Variants in NELL2 observed in about 807,000 individuals in gnomAD.
NELL2 encodes the protein neural EGFL like 2.
In NELL2, 41 loss-of-function variants were observed where a neutral mutation model predicts 109.6. The observed-to-expected ratio is 0.37, with a 90% CI of 0.29 to 0.49. The LOEUF (loss-of-function observed/expected upper bound fraction) is 0.49, where lower values mean the gene tolerates loss of function less well. NELL2 is among the 20% of genes least tolerant of loss of function. The probability of loss-of-function intolerance (pLI) is 0.98; values close to 1 mark genes in which losing one functional copy is unlikely to be tolerated. For missense variants in NELL2, 900 were observed against 1,008.3 expected, an observed-to-expected ratio of 0.89 and a Z score of 1.45; for synonymous variants, 355 against 344.7, an observed-to-expected ratio of 1.03 and a Z score of -0.33.
At chr12:44,641,753 G>A (rs1946866854) in intron 13 of NELL2, among the ~76,000 whole-genome samples, 1 of 134,016 alleles carries the variant, frequency 7.5e-6, no homozygotes, top group Non-Finnish European at 1.5e-5. Flanking sequence ...CTGGAGTTCA[G>A]TGGTGGGATC....
chr12:44,810,177 C>A (rs1943127240), intron 3 of NELL2, among the ~76,000 whole-genome samples: 1 of 152,090 alleles, frequency 6.6e-6, no homozygotes, highest in Non-Finnish European at 1.5e-5. Flanking sequence ...TTACTCATTT[C>A]TTCATCTACC....
intron 13 of NELL2, among the ~76,000 whole-genome samples, chr12:44,655,884 A>C (rs1464681099): frequency 6.6e-6 from 1 of 152,194 alleles, no homozygotes; most frequent in African/African-American, 2.4e-5. Flanking sequence ...TTAAAACCTA[A>C]AGTTGTCTGA....
intron 15 of NELL2, among the ~76,000 whole-genome samples, chr12:44,570,900 G>A (rs534242809): frequency 1.1e-4 from 16 of 152,192 alleles, no homozygotes; most frequent in African/African-American, 3.6e-4. Context: ...TTAGCAAAAT[G>A]TTGTATGGTA....
chr12:44,908,487 A>G (rs1005141432), intron 1 of NELL2, among the ~76,000 whole-genome samples: 7 of 151,986 alleles, frequency 4.6e-5, no homozygotes, highest in Non-Finnish European at 1.5e-5. Context: ...AATTATTTTT[A>G]TATTATGGTA....
chr12:44,533,192 C>T (rs1023825371), intron 15 of NELL2, among the ~76,000 whole-genome samples: 1 of 152,088 alleles, frequency 6.6e-6, no homozygotes, highest in African/African-American at 2.4e-5. Context: ...CTAGCCATTT[C>T]CAGAGGCTCT....
chr12:44,538,324 A>G (rs1292579227), intron 15 of NELL2, among the ~76,000 whole-genome samples: 2 of 152,168 alleles, frequency 1.3e-5, no homozygotes, highest in African/African-American at 4.8e-5. Flanking sequence ...CCCTCTTCAT[A>G]GTTTGCTGTT....
intron 16 of NELL2, among the ~76,000 whole-genome samples, chr12:44,531,271 T>A (rs1197589200): frequency 2.0e-5 from 3 of 152,354 alleles, no homozygotes; most frequent in Non-Finnish European, 2.9e-5. Flanking sequence ...ATATTCATTC[T>A]TTATGTGCAT....
intron 1 of NELL2, among the ~76,000 whole-genome samples, chr12:44,906,846 A>G (rs752131718): frequency 1.3e-5 from 2 of 152,106 alleles, no homozygotes; most frequent in Non-Finnish European, 2.9e-5. Context: ...AACACATAAG[A>G]AATATGTATC....
intron 15 of NELL2, among the ~76,000 whole-genome samples, chr12:44,586,050 T>C (rs916041053): frequency 2.6e-5 from 4 of 151,874 alleles, no homozygotes; most frequent in African/African-American, 9.7e-5. Flanking sequence ...GACTTGCTAT[T>C]TACTACTTAC....
At chr12:44,870,084 G>T (rs1011613006) in intron 2 of NELL2, among the ~76,000 whole-genome samples, 1 of 152,014 alleles carries the variant, frequency 6.6e-6, no homozygotes, top group Non-Finnish European at 1.5e-5. Context: ...GTGTAAGAAG[G>T]GTCCCCTTTC....
At chr12:44,708,969 ATATAT>A (rs1938041354) in intron 11 of NELL2, among the ~76,000 whole-genome samples, 1 of 152,146 alleles carries the variant, frequency 6.6e-6, no homozygotes, top group South Asian at 2.1e-4. Flanking sequence ...GCTTTTCATA[ATATAT>A]TAGGACTCTT....
chr12:44,718,723 T>C (rs1832303281), intron 9 of NELL2, among the ~76,000 whole-genome samples: 1 of 152,230 alleles, frequency 6.6e-6, no homozygotes, highest in Non-Finnish European at 1.5e-5. Flanking sequence ...AATTTATTCA[T>C]ACAGGCTTAT....
intron 11 of NELL2, among the ~76,000 whole-genome samples, chr12:44,706,838 T>G (rs974620847): frequency 6.6e-6 from 1 of 152,200 alleles, no homozygotes; most frequent in Non-Finnish European, 1.5e-5. Flanking sequence ...AAGGATATTA[T>G]GTTCTCTAAT....
intron 3 of NELL2, among the ~76,000 whole-genome samples, chr12:44,793,077 T>A (rs1000448353): frequency 1.3e-5 from 2 of 152,194 alleles, no homozygotes; most frequent in Admixed American, 1.3e-4. Flanking sequence ...AGTGTACTAT[T>A]AAGTAAACAA....
rs2136597382 is a variant in NELL2 at position 44,779,651 on chromosome 12, G to A, written c.606+12C>T. The A allele has an allele frequency of 1.2e-6, 2 of 1,602,512 alleles. No homozygotes were observed. ...ATTTACATTTCATTCTCAGACTTTT[G>A]CCAAAAGATACCTTAAAATATCCAT... On this transcript the variant is annotated intron_variant, in intron 5 of 19. Transcript: ENST00000429094.
At chr12:44,776,967 T>C in intron 7 of NELL2, 75 bp downstream of exon 7, 3 of 1,290,472 alleles carry the variant, frequency 2.3e-6, no homozygotes, top group South Asian at 2.4e-5. Flanking sequence ...GGTGAAAATC[T>C]ATGGTTATAA....
chr12:44,613,013 A>G (rs1945678647), intron 13 of NELL2, among the ~76,000 whole-genome samples: 1 of 152,020 alleles, frequency 6.6e-6, no homozygotes. Context: ...AAAGGCAAAT[A>G]CAGTTCTGAA....
chr12:44,669,213 C>A (rs968187696), intron 12 of NELL2, among the ~76,000 whole-genome samples: 3 of 152,158 alleles, frequency 2.0e-5, no homozygotes, highest in African/African-American at 7.2e-5. Flanking sequence ...TCTTACTAAA[C>A]CAACAATACG....
At position 44,763,391 on chromosome 12, in the gene NELL2, T is replaced by C. The variant is rs17094988; in HGVS notation, c.994+11356A>G. ...AAAAGCATGATGCTTACCCACAAAA[T>C]AGTATGAAAAGAATACGTTATCTAC... On this transcript the variant is annotated intron_variant, in intron 9 of 19. Transcript: ENST00000429094. Among the ~76,000 whole-genome samples, 885 of 152,282 alleles carry C rather than the reference T, an allele frequency of 5.8e-3. 10 individuals carry two copies. Among genetic ancestry groups the C allele is most frequent in the East Asian group, 0.032 (167 of 5,184 alleles).
Sources: allele counts gnomAD v4.1 joint callset (sites outside exome capture counted in the v4.1 genomes callset), GRCh38; gene constraint gnomAD v4.1.1; transcripts MANE v1.5; gene names NCBI Gene and HGNC (gene_info 2026-07-23, HGNC 2026-07-21).